Variants in DENND1A observed in about 807,000 individuals in gnomAD.
DENND1A encodes DENN domain containing 1A.
A neutral mutation model predicts 113.7 loss-of-function variants in DENND1A; 51 were observed. That is an observed-to-expected ratio of 0.45 (90% confidence interval 0.36 to 0.57). The LOEUF (loss-of-function observed/expected upper bound fraction) is 0.57. DENND1A is among the 20% of genes least tolerant of loss of function. The probability of loss-of-function intolerance (pLI) is 0.00; values close to 1 mark genes in which losing one functional copy is unlikely to be tolerated. For synonymous variants in DENND1A, 565 were observed against 570.8 expected, an observed-to-expected ratio of 0.99 and a Z score of 0.14; for missense variants, 1,258 against 1,395.9, an observed-to-expected ratio of 0.90 and a Z score of 1.57.
chr9:123,546,528 G>A (rs1286292068), intron 13 of DENND1A, among the ~76,000 whole-genome samples: 1 of 151,714 alleles, frequency 6.6e-6, no homozygotes, highest in African/African-American at 2.4e-5. Flanking sequence ...CTCCAGCCTG[G>A]GTGACAGAGC....
At position 123,652,104 on chromosome 9, in the gene DENND1A, A is replaced by G. The variant is rs775164532; in HGVS notation, c.527T>C (p.Phe176Ser). ...IPENRNLTEY[F>S]VAVDVNNMLH... Reference sequence around the variant, plus strand: ...CATGTTGTTAACATCCACAGCCACAAAATATTCTGTCAGATTTCTCTAGGA... The same window carrying G: ...CATGTTGTTAACATCCACAGCCACAGAATATTCTGTCAGATTTCTCTAGGA... The change falls in exon 9 of 24, where the codon TTT becomes TCT. Residue 176 changes from phenylalanine (F) to serine (S), a missense_variant. By Grantham distance (155) the Phe-to-Ser change is radical. Around this residue, in one of 2 missense-constraint regions of DENND1A, gnomAD observed 1,159 missense variants for 1,231.7 expected, o/e 0.94. Coordinates refer to ENST00000394215, the MANE Select transcript of DENND1A (RefSeq NM_001352964.2). The G allele has an allele frequency of 9.9e-6, 16 of 1,614,156 alleles. No homozygotes were observed. The highest frequency in any genetic ancestry group is 1.2e-5 in the Non-Finnish European group (14 of 1,180,026).
At chr9:123,789,955 G>A (rs779265778) in intron 3 of DENND1A, among the ~76,000 whole-genome samples, 3 of 151,408 alleles carry the variant, frequency 2.0e-5, no homozygotes, top group Admixed American at 6.6e-5. Context: ...TAGTTTAGGC[G>A]AATGAGAAAA....
chr9:123,575,688 C>T (rs1053284241), intron 12 of DENND1A, among the ~76,000 whole-genome samples: 1 of 152,104 alleles, frequency 6.6e-6, no homozygotes, highest in Non-Finnish European at 1.5e-5. Context: ...TAGCCCACAC[C>T]CAAGTAGGGG....
intron 13 of DENND1A, among the ~76,000 whole-genome samples, chr9:123,466,624 CTCTA>C (rs533795648): frequency 3.8e-4 from 58 of 152,332 alleles, no homozygotes; most frequent in Non-Finnish European, 6.9e-4. Context: ...TCTGCACATT[CTCTA>C]TCTATCTCCA....
At chr9:123,553,929 T>G (rs1416629746) in intron 13 of DENND1A, among the ~76,000 whole-genome samples, 1 of 152,194 alleles carries the variant, frequency 6.6e-6, no homozygotes, top group Non-Finnish European at 1.5e-5. Flanking sequence ...AACTAATTTT[T>G]GTATTTTTAG....
intron 13 of DENND1A, among the ~76,000 whole-genome samples, chr9:123,550,075 T>G (rs2056946978): frequency 6.6e-6 from 1 of 152,232 alleles, no homozygotes; most frequent in African/African-American, 2.4e-5. Context: ...AGGCTATCAA[T>G]CTGCTTTTAT....
At chr9:123,443,540 A>G (rs1044708527) in intron 18 of DENND1A, among the ~76,000 whole-genome samples, 2 of 152,378 alleles carry the variant, frequency 1.3e-5, no homozygotes, top group African/African-American at 2.4e-5. Context: ...GGTTTCTTAT[A>G]AAGTCCTGTG....
At chr9:123,607,500 C>G (rs1247489420) in intron 11 of DENND1A, among the ~76,000 whole-genome samples, 3 of 81,878 alleles carry the variant, frequency 3.7e-5, no homozygotes, top group African/African-American at 1.1e-4. Flanking sequence ...CACACACACA[C>G]ACACACACAC....
At chr9:123,859,290 A>T (rs929689670) in intron 2 of DENND1A, among the ~76,000 whole-genome samples, 1 of 152,094 alleles carries the variant, frequency 6.6e-6, no homozygotes, top group Admixed American at 6.6e-5. Context: ...ATCCATGAAC[A>T]CTTTCTCTTC....
rs551179131 is a variant in DENND1A, at chr9:123,568,346, G to A, written c.868-10651C>T. On this transcript the variant is annotated intron_variant, in intron 12 of 23. Coordinates refer to ENST00000394215, the MANE Select transcript of DENND1A (RefSeq NM_001352964.2). Reference sequence around the variant, plus strand: ...GTACCCTCCCCTTCTTTTTTTTGCAGGATTCTTATGTAGATTAAATGTCAA... The same window carrying A: ...GTACCCTCCCCTTCTTTTTTTTGCAAGATTCTTATGTAGATTAAATGTCAA... 5.9e-5 allele frequency among the ~76,000 whole-genome samples: 9 copies of A among 152,048 alleles called. No homozygotes were observed. In the East Asian group the frequency reaches 1.5e-3, roughly 26 times the overall value.
intron 13 of DENND1A, among the ~76,000 whole-genome samples, chr9:123,525,315 T>C (rs941002380): frequency 6.6e-6 from 1 of 152,186 alleles, no homozygotes; most frequent in Non-Finnish European, 1.5e-5. Context: ...GCCTGCTCGG[T>C]TAAATTTACT....
chr9:123,504,655 G>A (rs1433829702), intron 13 of DENND1A, among the ~76,000 whole-genome samples: 1 of 152,168 alleles, frequency 6.6e-6, no homozygotes, highest in Non-Finnish European at 1.5e-5. Flanking sequence ...ATGGGTCTTT[G>A]GAGACCTGCT....
intron 3 of DENND1A, among the ~76,000 whole-genome samples, chr9:123,779,041 T>C (rs967747909): frequency 1.3e-5 from 2 of 152,240 alleles, no homozygotes; most frequent in Non-Finnish European, 2.9e-5. Context: ...GGACTCTTCA[T>C]AGAGACAATT....
chr9:123,850,062 G>A (rs1216659556), intron 2 of DENND1A, among the ~76,000 whole-genome samples: 2 of 152,240 alleles, frequency 1.3e-5, no homozygotes, highest in Non-Finnish European at 2.9e-5. Flanking sequence ...TTGTTGAAAT[G>A]ACAAGAAAGC....
chr9:123,622,058 C>T (rs1425669073), intron 10 of DENND1A, among the ~76,000 whole-genome samples: 1 of 152,152 alleles, frequency 6.6e-6, no homozygotes, highest in East Asian at 1.9e-4. Flanking sequence ...CCAGAGTCAT[C>T]TGGAAATGCC....
At chr9:123,695,303 T>A (rs530428070) in intron 5 of DENND1A, among the ~76,000 whole-genome samples, 2 of 152,260 alleles carry the variant, frequency 1.3e-5, no homozygotes, top group African/African-American at 4.8e-5. Context: ...CACATTACTG[T>A]TAAAAGTCCA....
At chr9:123,844,096 A>AC (rs1564375834) in intron 2 of DENND1A, among the ~76,000 whole-genome samples, 2 of 84,140 alleles carry the variant, frequency 2.4e-5, no homozygotes, top group African/African-American at 3.7e-4. Context: ...CATCTAAAAA[A>AC]ATGATATAAT....
intron 13 of DENND1A, among the ~76,000 whole-genome samples, chr9:123,540,948 C>T (rs1013382535): frequency 2.0e-5 from 3 of 152,308 alleles, no homozygotes; most frequent in East Asian, 3.9e-4. Context: ...TCTAGTCCGA[C>T]TCTTTCTTCT....
intron 8 of DENND1A, among the ~76,000 whole-genome samples, chr9:123,655,683 A>AAGCAT (rs567764242): frequency 4.0e-4 from 61 of 152,328 alleles, no homozygotes; most frequent in Middle Eastern, 3.4e-3. Flanking sequence ...CAGCCAGGCC[A>AAGCAT]AGCATATTTC....
Sources: allele counts gnomAD v4.1 joint callset (sites outside exome capture counted in the v4.1 genomes callset), GRCh38; gene constraint gnomAD v4.1.1; regional missense constraint gnomAD v4.1.1; transcripts MANE v1.5; gene names NCBI Gene and HGNC (gene_info 2026-07-23, HGNC 2026-07-21).